Variants in MAPK8 observed in about 807,000 individuals in gnomAD.
MAPK8 encodes mitogen-activated protein kinase 8.
In MAPK8, 13 loss-of-function variants were observed where a neutral mutation model predicts 52.9. That is an observed-to-expected ratio of 0.25 (90% confidence interval 0.16 to 0.39). The LOEUF is 0.39. Among genes scored for constraint, MAPK8 ranks in the 10% least tolerant of loss-of-function variants. The pLI, the probability that MAPK8 is intolerant of heterozygous loss-of-function variation, is 1.00. For missense variants in MAPK8, 300 were observed against 519.2 expected (o/e 0.58, Z 4.10); for synonymous variants, 191 against 169.8 (o/e 1.12, Z -0.97).
At chr10:48,389,850 T>C (rs1248040350) in intron 1 of MAPK8, among the ~76,000 whole-genome samples, 1 of 151,338 alleles carries the variant, frequency 6.6e-6, no homozygotes, top group Admixed American at 6.6e-5. Context: ...GGGGAGAGAG[T>C]GTGCTTAAAG....
At chr10:48,384,398 T>C (rs905378478) in intron 1 of MAPK8, among the ~76,000 whole-genome samples, 4 of 152,258 alleles carry the variant, frequency 2.6e-5, no homozygotes, top group Non-Finnish European at 5.9e-5. Flanking sequence ...CTTTTGTAGA[T>C]GTAAATTTCT....
intron 3 of MAPK8, among the ~76,000 whole-genome samples, chr10:48,406,710 G>T (rs541835844): frequency 8.5e-5 from 13 of 152,310 alleles, no homozygotes; most frequent in Non-Finnish European, 1.8e-4. Context: ...TGTACAGATT[G>T]TCTCTTCACT....
At chr10:48,396,508 G>A (rs1449452614) in intron 1 of MAPK8, among the ~76,000 whole-genome samples, 2 of 152,250 alleles carry the variant, frequency 1.3e-5, no homozygotes, top group East Asian at 1.9e-4. Flanking sequence ...AGTGCAAAAT[G>A]ATACAGCACT....
intron 1 of MAPK8, among the ~76,000 whole-genome samples, chr10:48,369,330 TAAAGAGTCA>T (rs1242635680): frequency 6.6e-6 from 1 of 152,140 alleles, no homozygotes; most frequent in Non-Finnish European, 1.5e-5. Context: ...TATTGGAGTA[TAAAGAGTCA>T]AGGATAGTGT....
chr10:48,426,443 T>C lies in MAPK8; in HGVS notation c.935T>C (p.Val312Ala). ...ATAGATGCATCTAAAAGGATCTCTG[T>C]AGATGAAGCTCTCCAACACCCGTAC... is the stretch of plus-strand genomic sequence containing the variant. Reference protein sequence around the residue: ...LVIDASKRISVDEALQHPYIN... With the variant: ...LVIDASKRISADEALQHPYIN... Residue 312 changes from valine to alanine, a missense_variant, in exon 9 of 12, where the codon GTA becomes GCA. Val to Ala is a moderately conservative substitution (Grantham distance 64). This residue lies in a region of MAPK8 where 119 missense variants were observed against 154.4 expected (regional missense o/e 0.77). Coordinates refer to ENST00000374189, the MANE Select transcript of MAPK8 (RefSeq NM_001323329.2). 6.2e-7 allele frequency: 1 copy of C among 1,611,866 alleles called. No individual in the cohort carries two copies. Among genetic ancestry groups the C allele is most frequent in the Non-Finnish European group, 8.5e-7 (1 of 1,179,004 alleles).
Position 48,435,056 on chromosome 10 carries a change from G to GCCT in MAPK8, c.*27_*28insCCT. 1 of 1,214,556 alleles carries GCCT rather than the reference G, an allele frequency of 8.2e-7. No homozygotes were observed. Among genetic ancestry groups the GCCT allele is most frequent in the Admixed American group, 2.1e-5 (1 of 46,600 alleles). The allele number at this position is 1,214,556 out of a possible 1,614,324, so 75.2% of individuals were successfully genotyped here. ...TACTTGGGCCATCGGGGGGTGGGAG[G>GCCT]GATGGGGAGTCGGTTAGTCATTGAT... On this transcript the variant is annotated 3_prime_UTR_variant, in exon 12 of 12. Coordinates refer to ENST00000374189, the MANE Select transcript of MAPK8 (RefSeq NM_001323329.2).
chr10:48,336,212 A>G lies in MAPK8; in HGVS notation c.-50+29391A>G, dbSNP rs147813065. Among the ~76,000 whole-genome samples the G allele has an allele frequency of 1.4e-4, 21 of 152,346 alleles. No individual in the cohort carries two copies. The East Asian group carries it at 3.9e-3, about 28-fold the overall frequency. On this transcript the variant is annotated intron_variant, in intron 1 of 11. Transcript: ENST00000374189. ...TATCAGTATGTGGAGTGAAAGATGGACATCACAACATATATGGCAGATATT... is the reference window on the plus strand; with the variant it reads ...TATCAGTATGTGGAGTGAAAGATGGGCATCACAACATATATGGCAGATATT...
chr10:48,348,757 G>C (rs1436655170), intron 1 of MAPK8, among the ~76,000 whole-genome samples: 3 of 152,010 alleles, frequency 2.0e-5, no homozygotes, highest in African/African-American at 7.2e-5. Context: ...TATCTGTTTT[G>C]GTACCAGTAC....
intron 1 of MAPK8, among the ~76,000 whole-genome samples, chr10:48,379,790 T>G (rs1289248652): frequency 1.1e-4 from 17 of 152,074 alleles, no homozygotes; most frequent in Non-Finnish European, 2.9e-5. Flanking sequence ...TTTTGGAAAT[T>G]TTTACCTAGT....
chr10:48,394,189 GAT>G, intron 1 of MAPK8, among the ~76,000 whole-genome samples: 1 of 151,938 alleles, frequency 6.6e-6, no homozygotes, highest in East Asian at 1.9e-4. Context: ...ACTTCACTGA[GAT>G]AGTCTATGAA....
chr10:48,360,437 A>G (rs943003738), intron 1 of MAPK8, among the ~76,000 whole-genome samples: 2 of 152,194 alleles, frequency 1.3e-5, no homozygotes, highest in African/African-American at 2.4e-5. Flanking sequence ...ATTAACTCGT[A>G]GATACCCTAG....
intron 1 of MAPK8, among the ~76,000 whole-genome samples, chr10:48,336,030 G>T (rs1844650083): frequency 6.6e-6 from 1 of 152,112 alleles, no homozygotes; most frequent in African/African-American, 2.4e-5. Flanking sequence ...TACCACCATT[G>T]TCATAGTGTG....
intron 5 of MAPK8, among the ~76,000 whole-genome samples, chr10:48,418,304 A>G (rs989604080): frequency 2.6e-5 from 4 of 152,060 alleles, no homozygotes; most frequent in Non-Finnish European, 5.9e-5. Flanking sequence ...TTAACACCCC[A>G]CCTCTGACAC....
chr10:48,371,304 T>C (rs1848508380), intron 1 of MAPK8, among the ~76,000 whole-genome samples: 1 of 152,138 alleles, frequency 6.6e-6, no homozygotes, highest in Non-Finnish European at 1.5e-5. Flanking sequence ...ATCATAGTTA[T>C]CGATTATTAC....
chr10:48,422,279 G>C (rs1484746710), intron 6 of MAPK8, among the ~76,000 whole-genome samples: 1 of 152,108 alleles, frequency 6.6e-6, no homozygotes, highest in Non-Finnish European at 1.5e-5. Flanking sequence ...TGATCCACCT[G>C]CCTCAGCCTC....
chr10:48,397,834 G>A (rs777940882), intron 1 of MAPK8, among the ~76,000 whole-genome samples: 13 of 151,966 alleles, frequency 8.6e-5, no homozygotes, highest in Non-Finnish European at 1.9e-4. Context: ...CAAGTGATCT[G>A]CCCTCCTCAG....
chr10:48,349,803 A>C (rs58181014), intron 1 of MAPK8, among the ~76,000 whole-genome samples: 4,571 of 152,298 alleles, frequency 0.03, 247 homozygotes, highest in African/African-American at 0.1. Context: ...AGACACGGAA[A>C]ACCCCTCAAA....
At chr10:48,306,912 T>G (rs1478204029) in intron 1 of MAPK8, 91 bp downstream of exon 1, 2 of 152,270 alleles carry the variant, frequency 1.3e-5, no homozygotes, top group African/African-American at 4.8e-5. Flanking sequence ...CGCCTTCTCC[T>G]CAGCCGTAAC....
At chr10:48,433,640 G>C (rs554580542) in intron 11 of MAPK8, among the ~76,000 whole-genome samples, 1 of 152,136 alleles carries the variant, frequency 6.6e-6, no homozygotes, top group South Asian at 2.1e-4. Context: ...ATTCCTTTCT[G>C]TATCCCAGTC....
Sources: allele counts gnomAD v4.1 joint callset (sites outside exome capture counted in the v4.1 genomes callset), GRCh38; gene constraint gnomAD v4.1.1; regional missense constraint gnomAD v4.1.1; transcripts MANE v1.5; gene names NCBI Gene and HGNC (gene_info 2026-07-23, HGNC 2026-07-21).